GPR176: variants seen among roughly 807,000 people sequenced by gnomAD.
GPR176 encodes G-protein coupled receptor 176.
Under a neutral mutation model 35.4 loss-of-function variants are expected in GPR176, and 26 were observed. That is an observed-to-expected ratio of 0.74 (90% CI 0.54 to 1.02). The LOEUF (loss-of-function observed/expected upper bound fraction) is 1.02. Among genes scored for constraint, GPR176 ranks in the 50% least tolerant of loss-of-function variants. The pLI is 0.00. For missense variants in GPR176, 597 were observed against 665.3 expected (o/e 0.90, Z 1.13); for synonymous variants, 278 against 271.3 (o/e 1.02, Z -0.24).
chr15:39,916,011 C>T (rs2033717715), intron 1 of GPR176, among the ~76,000 whole-genome samples: 1 of 152,160 alleles, frequency 6.6e-6, no homozygotes, highest in Non-Finnish European at 1.5e-5. Context: ...ATGATGATTG[C>T]CACAGATGAC....
intron 1 of GPR176, among the ~76,000 whole-genome samples, chr15:39,896,666 A>C (rs1371180226): frequency 1.3e-5 from 2 of 152,232 alleles, no homozygotes; most frequent in African/African-American, 4.8e-5. Context: ...CAGAACCAGG[A>C]CTTAAACTCA....
In GPR176 at chr15:39,802,116, G is replaced by A. The variant is rs2140771707; in HGVS notation, c.564C>T (p.Ala188=). 6.2e-7 allele frequency: 1 copy of A among 1,614,142 alleles called. No individual in the cohort carries two copies. Among genetic ancestry groups the A allele is most frequent in the Non-Finnish European group, 8.5e-7 (1 of 1,180,030 alleles). Residue 188 remains alanine, a synonymous_variant, in exon 3 of 3, where the codon GCC becomes GCT. Transcript: ENST00000561100. ...TCCAGACTTCCGTGCAGGTGGACGT[G>A]GCATAGATGTCAGCCACATTGGTTA... ...FAVTNVADIY[A]TSTCTEVWSN... is the part of the protein sequence containing the mutation.
intron 1 of GPR176, among the ~76,000 whole-genome samples, chr15:39,816,359 T>C (rs1421490098): frequency 6.6e-6 from 1 of 152,178 alleles, no homozygotes; most frequent in Non-Finnish European, 1.5e-5. Context: ...ATACACCTAT[T>C]TCAAAATACA....
chr15:39,912,868 A>G (rs1189212869), intron 1 of GPR176, among the ~76,000 whole-genome samples: 7 of 152,192 alleles, frequency 4.6e-5, no homozygotes, highest in Non-Finnish European at 1.0e-4. Context: ...ACAAAAGTAT[A>G]TTCATTACAG....
At chr15:39,841,793 A>G (rs2030012036) in intron 1 of GPR176, among the ~76,000 whole-genome samples, 1 of 152,204 alleles carries the variant, frequency 6.6e-6, no homozygotes, top group Non-Finnish European at 1.5e-5. Flanking sequence ...GATCATTTTG[A>G]CAAAATGATA....
At chr15:39,914,535 G>A (rs193210247) in intron 1 of GPR176, among the ~76,000 whole-genome samples, 138 of 152,038 alleles carry the variant, frequency 9.1e-4, no homozygotes, top group South Asian at 2.7e-3. Context: ...GGCTGGTCTC[G>A]AACACCTCAA....
intron 1 of GPR176, among the ~76,000 whole-genome samples, chr15:39,905,573 G>A (rs1430557361): frequency 6.6e-6 from 1 of 152,102 alleles, no homozygotes; most frequent in Admixed American, 6.6e-5. Flanking sequence ...CAGCCTGGGT[G>A]ACAGTAAGAC....
rs1441034667 is a variant in GPR176 at position 39,919,999 on chromosome 15, G to A, written c.28C>T (p.Pro10Ser). 13 of 1,433,850 alleles carry A rather than the reference G, an allele frequency of 9.1e-6. No homozygotes were observed. The highest frequency in any genetic ancestry group is 1.2e-5 in the Non-Finnish European group (13 of 1,090,816). 88.8% of individuals were successfully genotyped at this position (1,433,850 alleles called of 1,614,324 possible). A position where few individuals can be genotyped will look rare whatever the true frequency, so the allele number is the denominator to read the frequency against. Residue 10 changes from proline to serine, a missense_variant, in exon 1 of 3, where the codon CCA becomes TCA. Physicochemically the swap from Pro to Ser is moderately conservative, Grantham distance 74. Coordinates refer to ENST00000561100, the MANE Select transcript of GPR176 (RefSeq NM_007223.3). MGHNGSWISPNASEPHNASG... is the reference protein window; with the variant it reads MGHNGSWISSNASEPHNASG... ...GCGTTGTGCGGCTCGCTGGCATTTG[G>A]AGAGATCCAGCTCCCGTTATGTCCC...
intron 1 of GPR176, among the ~76,000 whole-genome samples, chr15:39,852,984 G>A (rs546838721): frequency 4.2e-4 from 64 of 152,190 alleles, no homozygotes; most frequent in South Asian, 2.1e-3. Flanking sequence ...AAATAGTATC[G>A]CTGCTATGGA....
chr15:39,828,930 A>G (rs779403256), intron 1 of GPR176: 4 of 597,036 alleles, frequency 6.7e-6, no homozygotes, highest in African/African-American at 5.5e-5. Flanking sequence ...GTGTGCTAAC[A>G]TTAGAAAGAA....
intron 1 of GPR176, among the ~76,000 whole-genome samples, chr15:39,903,716 T>C (rs958491509): frequency 6.6e-6 from 1 of 152,272 alleles, no homozygotes; most frequent in African/African-American, 2.4e-5. Flanking sequence ...ATGGAGACTT[T>C]GAACAAAACT....
At chr15:39,865,516 A>T (rs892029351) in intron 1 of GPR176, among the ~76,000 whole-genome samples, 1 of 152,180 alleles carries the variant, frequency 6.6e-6, no homozygotes, top group Non-Finnish European at 1.5e-5. Flanking sequence ...ACATGGAGGT[A>T]GAGCATGGAA....
chr15:39,807,480 GGTGA>G, intron 1 of GPR176: 3 of 1,178,912 alleles, frequency 2.5e-6, no homozygotes, highest in South Asian at 3.5e-5. Context: ...AAATTTTAGT[GGTGA>G]GTTTCTCTAT....
At chr15:39,859,841 T>G (rs914071507) in intron 1 of GPR176, among the ~76,000 whole-genome samples, 1 of 152,114 alleles carries the variant, frequency 6.6e-6, no homozygotes, top group Non-Finnish European at 1.5e-5. Context: ...TTAATGGGTG[T>G]AGAGTTTCAG....
chr15:39,867,609 G>C (rs957166622), intron 1 of GPR176, among the ~76,000 whole-genome samples: 2 of 152,136 alleles, frequency 1.3e-5, no homozygotes, highest in African/African-American at 4.8e-5. Context: ...GCAGATGCGG[G>C]GTGGGGAGGA....
At chr15:39,896,907 G>T (rs2033129913) in intron 1 of GPR176, among the ~76,000 whole-genome samples, 1 of 152,194 alleles carries the variant, frequency 6.6e-6, no homozygotes, top group African/African-American at 2.4e-5. Flanking sequence ...GTGTGACCAA[G>T]TACTTTCTCA....
Position 39,801,636 on chromosome 15 carries a change from GACC to G in GPR176, c.1041_1043del (p.Val348del), listed in dbSNP as rs1566932529. 6.2e-7 allele frequency: 1 copy of G among 1,614,040 alleles called. No individual in the cohort carries two copies. The highest frequency in any genetic ancestry group is 1.1e-5 in the South Asian group (1 of 91,066). ...CCTCAGCCATGCCACTCCCTGTACT[GACC>G]ACATTACGGCGACTGTACCGGTGGT... On this transcript the variant is annotated inframe_deletion, in exon 3 of 3. Transcript: ENST00000561100.
intron 1 of GPR176, chr15:39,807,626 C>T: frequency 2.1e-6 from 2 of 971,096 alleles, no homozygotes; most frequent in African/African-American, 1.6e-5. Context: ...TTGCCAAACT[C>T]TGCAACAGAA....
At chr15:39,864,277 T>C (rs185959464) in intron 1 of GPR176, among the ~76,000 whole-genome samples, 1 of 152,044 alleles carries the variant, frequency 6.6e-6, no homozygotes, top group African/African-American at 2.4e-5. Context: ...GTTTAACAGA[T>C]CATTAAACTG....
Sources: gnomAD v4.1 joint callset for allele counts (sites outside exome capture counted in the v4.1 genomes callset) on GRCh38, gnomAD v4.1.1 for gene constraint, MANE v1.5 for transcripts, NCBI Gene and HGNC (gene_info 2026-07-23, HGNC 2026-07-21) for gene names.